Variants in NCOR2 observed in about 807,000 individuals in gnomAD.
NCOR2 encodes nuclear receptor corepressor 2.
In NCOR2, 81 loss-of-function variants were observed where a neutral mutation model predicts 262.9. The observed-to-expected ratio is 0.31, with a 90% confidence interval of 0.26 to 0.37. The LOEUF (loss-of-function observed/expected upper bound fraction) is 0.37, where lower values mean the gene tolerates loss of function less well. NCOR2 is among the 10% of genes least tolerant of loss of function. NCOR2 has a pLI of 1.00. For synonymous variants in NCOR2, 1,659 were observed against 1,559.3 expected, an observed-to-expected ratio of 1.06 and a Z score of -1.51; for missense variants, 3,385 against 3,621.4, an observed-to-expected ratio of 0.93 and a Z score of 1.68.
chr12:124,351,706 T>C (rs960362588), intron 27 of NCOR2, among the ~76,000 whole-genome samples: 1 of 151,764 alleles, frequency 6.6e-6, no homozygotes, highest in African/African-American at 2.4e-5. Flanking sequence ...GCAACTTTAC[T>C]ACCAAGCTGC....
intron 12 of NCOR2, among the ~76,000 whole-genome samples, chr12:124,421,494 G>A (rs1014294424): frequency 1.1e-4 from 16 of 152,332 alleles, no homozygotes; most frequent in African/African-American, 3.8e-4. Context: ...TTTCAGGCAT[G>A]GAGAGATTTT....
chr12:124,373,679 TGCGCAGGGGCCCCGGGCACA>T (rs1320562815), intron 19 of NCOR2, among the ~76,000 whole-genome samples: 15 of 112,170 alleles, frequency 1.3e-4, no homozygotes, highest in Admixed American at 2.7e-4. Context: ...GGCCAGTGCG[TGCGCAGGGGCCCCGGGCACA>T]GTGGACAATC....
intron 1 of NCOR2, among the ~76,000 whole-genome samples, chr12:124,492,167 C>T (rs534186759): frequency 2.0e-5 from 3 of 152,378 alleles, no homozygotes; most frequent in Admixed American, 2.0e-4. Context: ...ATCCACGGTC[C>T]TGTGGTTCCC....
chr12:124,428,914 T>A (rs1042982818), intron 10 of NCOR2, among the ~76,000 whole-genome samples: 1 of 152,114 alleles, frequency 6.6e-6, no homozygotes, highest in Non-Finnish European at 1.5e-5. Context: ...TCATCATGGG[T>A]ACCTGACCCA....
intron 37 of NCOR2, 106 bp downstream of exon 39, chr12:124,339,900 C>CCCCCCCCTCCCCTAT: frequency 6.1e-6 from 4 of 659,510 alleles, no homozygotes; most frequent in South Asian, 3.9e-5. Context: ...TCTGCCCACC[C>CCCCCCCCTCCCCTAT]ACCCACCTCC....
At chr12:124,332,890 G>A (rs1403907029) in intron 42 of NCOR2, among the ~76,000 whole-genome samples, 1 of 152,154 alleles carries the variant, frequency 6.6e-6, no homozygotes, top group Non-Finnish European at 1.5e-5. Context: ...CTGTCAACGG[G>A]GGCCTGGTCC....
chr12:124,332,628 A>T (rs1364732435), intron 42 of NCOR2, among the ~76,000 whole-genome samples, 161 bp from the exon 45 acceptor site: 1 of 151,966 alleles, frequency 6.6e-6, no homozygotes, highest in African/African-American at 2.4e-5. Flanking sequence ...CGGCTCCTGA[A>T]ATCTCCTCTG....
chr12:124,461,946 G>T (rs921908336), intron 5 of NCOR2, among the ~76,000 whole-genome samples: 1 of 152,034 alleles, frequency 6.6e-6, no homozygotes, highest in African/African-American at 2.4e-5. Flanking sequence ...ACTCATATAC[G>T]CTTATACACA....
At position 124,432,090 on chromosome 12, in the gene NCOR2, C is replaced by T. The variant is rs1038712868; in HGVS notation, c.883-1303G>A. On this transcript the variant is annotated intron_variant, in intron 8 of 46. Transcript: ENST00000405201. The surrounding 1 kb of genome is among the most constrained non-coding windows in gnomAD (Gnocchi z 5.1). ...GCGGTCACACAGGCAGGCAGACACACACACACGGTCATCCAGGCAGACATA... is the reference window on the plus strand; with the variant it reads ...GCGGTCACACAGGCAGGCAGACACATACACACGGTCATCCAGGCAGACATA... Among the ~76,000 whole-genome samples, 5 of 151,742 alleles carry T rather than the reference C, an allele frequency of 3.3e-5. No individual in the cohort carries two copies. The highest frequency in any genetic ancestry group is 4.8e-5 in the African/African-American group (2 of 41,268).
chr12:124,388,035 C>A (rs1303386281), intron 16 of NCOR2, among the ~76,000 whole-genome samples: 1 of 141,270 alleles, frequency 7.1e-6, no homozygotes, highest in Non-Finnish European at 1.5e-5. Flanking sequence ...TAATTAACTC[C>A]GATCATGGGG....
intron 3 of NCOR2, among the ~76,000 whole-genome samples, chr12:124,473,686 GCTCCT>G (rs1430889702): frequency 3.9e-5 from 6 of 152,104 alleles, no homozygotes; most frequent in Non-Finnish European, 8.8e-5. Context: ...GATGTGACTT[GCTCCT>G]CTTTGCCCTC....
chr12:124,438,778 CAGAGAGAGAGAGAG>C lies in NCOR2; in HGVS notation c.816-796_816-783del, dbSNP rs56072801. On this transcript the variant is annotated intron_variant, in intron 7 of 46. Coordinates refer to ENST00000405201, the Ensembl canonical transcript of NCOR2. ...AGAGAGAGACAGAGACCCAGAGAGA[CAGAGAGAGAGAGAG>C]AGAGAGAGAGAGAGAGACGGAGACC... Among the ~76,000 whole-genome samples the C allele has an allele frequency of 8.2e-4, 49 of 60,068 alleles. 1 individual carries two copies. Among genetic ancestry groups the C allele is most frequent in the Admixed American group, 4.6e-4 (3 of 6,552 alleles). The allele number at this position is 60,068 out of a possible 152,430, so 39.4% of individuals were successfully genotyped here.
intron 31 of NCOR2, among the ~76,000 whole-genome samples, chr12:124,345,946 C>T (rs2036888721): frequency 6.6e-6 from 1 of 152,304 alleles, no homozygotes; most frequent in African/African-American, 2.4e-5. Context: ...AACAGCTCCT[C>T]GTCCTCGTAC....
At chr12:124,462,471 G>A (rs1005759645) in intron 5 of NCOR2, among the ~76,000 whole-genome samples, 3 of 152,238 alleles carry the variant, frequency 2.0e-5, no homozygotes, top group African/African-American at 4.8e-5. Context: ...CATGAGCCCC[G>A]TGCAGAGCTC....
In NCOR2 at chr12:124,443,216, C is replaced by T. The variant is rs145791301; in HGVS notation, c.816-5220G>A. On this transcript the variant is annotated intron_variant, in intron 7 of 46. Coordinates refer to ENST00000405201, the Ensembl canonical transcript of NCOR2. This position sits in a 1 kb window ranked among gnomAD's most constrained non-coding sequence, Gnocchi z 4.4. The stretch of plus-strand genomic sequence containing the variant: ...CGGTGCTGTCACTGCAGCTGGAAAA[C>T]GACTCGGTGAGCATGAGGCCTCGGG... 4.7e-4 allele frequency among the ~76,000 whole-genome samples: 72 copies of T among 152,332 alleles called. No homozygotes were observed. The South Asian group carries it at 0.012, about 25-fold the overall frequency.
intron 6 of NCOR2, among the ~76,000 whole-genome samples, chr12:124,456,509 C>CCATCATCAT (rs377759859): frequency 1.3e-5 from 2 of 151,878 alleles, no homozygotes; most frequent in East Asian, 1.9e-4. Flanking sequence ...GCCATCATCG[C>CCATCATCAT]CATCATCATC....
intron 6 of NCOR2, among the ~76,000 whole-genome samples, chr12:124,453,212 C>T (rs924431917): frequency 5.3e-5 from 8 of 152,186 alleles, no homozygotes; most frequent in South Asian, 2.1e-4. Flanking sequence ...CCAGGCTAGC[C>T]GGGGTCCCCA....
At position 124,457,320 on chromosome 12, in the gene NCOR2, C is replaced by T. The variant is rs904331428; in HGVS notation, c.706-158G>A. On this transcript the variant is annotated intron_variant, in intron 5 of 46. Coordinates refer to ENST00000405201, the Ensembl canonical transcript of NCOR2. The surrounding 1 kb of genome is among the most constrained non-coding windows in gnomAD (Gnocchi z 4.0). ...AGGCCCGGGGCCCCCTGCAGGCCCT[C>T]CCCACGCTGGAAAAAAACACAGAGG... 6.6e-6 allele frequency among the ~76,000 whole-genome samples: 1 copy of T among 152,142 alleles called. No individual in the cohort carries two copies.
At chr12:124,362,291 T>C (rs781160878) in exon 22 of NCOR2, 1 of 1,316,622 alleles carries the variant, frequency 7.6e-7, no homozygotes, top group Admixed American at 2.9e-5. Flanking sequence ...TGGACTTTGG[T>C]GACCTGCTGA....
Sources: gnomAD v4.1 joint callset for allele counts (sites outside exome capture counted in the v4.1 genomes callset) on GRCh38, gnomAD v4.1.1 for gene constraint, Gnocchi (gnomAD v3.1) non-coding constraint, MANE v1.5 for transcripts, NCBI Gene and HGNC (gene_info 2026-07-23, HGNC 2026-07-21) for gene names.